HHAT: variants seen among roughly 807,000 people sequenced by gnomAD.
The protein encoded by HHAT is hedgehog acyltransferase.
A neutral mutation model predicts 70.8 loss-of-function variants in HHAT; 47 were observed. The ratio of observed to expected loss-of-function variants is 0.66; its 90% CI spans 0.53 to 0.85. The LOEUF (loss-of-function observed/expected upper bound fraction) is 0.85, where lower values mean the gene tolerates loss of function less well. Ranked by LOEUF, HHAT falls within the 40% of genes least tolerant of loss-of-function variation. HHAT has a pLI of 0.00. For synonymous variants in HHAT, 228 were observed against 247.6 expected (o/e 0.92, Z 0.74); for missense variants, 609 against 604.8 (o/e 1.01, Z -0.07).
chr1:210,435,606 T>C (rs75299208), intron 7 of HHAT, among the ~76,000 whole-genome samples: 1,924 of 151,916 alleles, frequency 0.013, 84 homozygotes, highest in African/African-American at 0.043. Flanking sequence ...ATGAGGTTTC[T>C]CCTTTCTTTA....
chr1:210,558,876 C>T (rs942012709), intron 9 of HHAT, among the ~76,000 whole-genome samples: 2 of 152,062 alleles, frequency 1.3e-5, no homozygotes, highest in African/African-American at 4.8e-5. Flanking sequence ...AAGGAAGGTG[C>T]GGGGCTGTCT....
chr1:210,447,969 G>A (rs1252713668), intron 7 of HHAT, among the ~76,000 whole-genome samples: 2 of 152,144 alleles, frequency 1.3e-5, no homozygotes, highest in African/African-American at 2.4e-5. Flanking sequence ...CACCTTGAAG[G>A]GGATGTGGCT....
chr1:210,665,669 TAA>T (rs1227369772), intron 11 of HHAT, among the ~76,000 whole-genome samples: 1 of 152,152 alleles, frequency 6.6e-6, no homozygotes, highest in Non-Finnish European at 1.5e-5. Context: ...ATGGTAGATT[TAA>T]AAAACTAAGG....
At chr1:210,379,472 T>A (rs2090472280) in intron 3 of HHAT, among the ~76,000 whole-genome samples, 1 of 152,236 alleles carries the variant, frequency 6.6e-6, no homozygotes, top group African/African-American at 2.4e-5. Context: ...ATTTTCTTCT[T>A]AGGAAAAGGT....
At chr1:210,567,703 T>G (rs1655112431) in intron 9 of HHAT, among the ~76,000 whole-genome samples, 2 of 152,224 alleles carry the variant, frequency 1.3e-5, no homozygotes, top group South Asian at 2.1e-4. Context: ...ATTAGAAAAT[T>G]TATGTCCTAG....
chr1:210,372,691 A>T (rs944808469), intron 3 of HHAT, among the ~76,000 whole-genome samples: 5 of 151,938 alleles, frequency 3.3e-5, no homozygotes, highest in Non-Finnish European at 7.4e-5. Context: ...TTCTAGTCTG[A>T]TTAGAGGATA....
At chr1:210,602,915 T>G (rs1013964365) in intron 10 of HHAT, among the ~76,000 whole-genome samples, 5 of 152,212 alleles carry the variant, frequency 3.3e-5, no homozygotes, top group Non-Finnish European at 7.4e-5. Flanking sequence ...CTCTCTGGTC[T>G]AAGAGGTAGA....
intron 11 of HHAT, among the ~76,000 whole-genome samples, chr1:210,626,546 ATG>A: frequency 6.6e-6 from 1 of 152,214 alleles, no homozygotes; most frequent in Non-Finnish European, 1.5e-5. Flanking sequence ...GAGTCAGGGA[ATG>A]TCTGCTGGGG....
intron 7 of HHAT, among the ~76,000 whole-genome samples, chr1:210,448,262 A>G (rs953940192): frequency 1.3e-5 from 2 of 151,866 alleles, no homozygotes; most frequent in Non-Finnish European, 2.9e-5. Context: ...TTGTATTTTT[A>G]GTAGAGACGG....
At chr1:210,480,238 A>T (rs968518460) in intron 8 of HHAT, among the ~76,000 whole-genome samples, 2 of 152,178 alleles carry the variant, frequency 1.3e-5, no homozygotes, top group African/African-American at 4.8e-5. Flanking sequence ...GTGAATCAGG[A>T]TTGAGAGAGA....
chr1:210,353,514 T>G (rs1280788171), intron 2 of HHAT, among the ~76,000 whole-genome samples: 4 of 151,940 alleles, frequency 2.6e-5, no homozygotes, highest in African/African-American at 9.7e-5. Flanking sequence ...CTATTCGTTC[T>G]TATTTAAATG....
At chr1:210,456,704 G>A (rs2093876112) in intron 7 of HHAT, among the ~76,000 whole-genome samples, 1 of 152,190 alleles carries the variant, frequency 6.6e-6, no homozygotes, top group Non-Finnish European at 1.5e-5. Flanking sequence ...GCTCAGAAGT[G>A]GGGACACTAG....
At chr1:210,489,287 G>A (rs775030466) in intron 8 of HHAT, among the ~76,000 whole-genome samples, 4 of 152,176 alleles carry the variant, frequency 2.6e-5, no homozygotes, top group African/African-American at 9.7e-5. Context: ...ATCAGGGAGT[G>A]GGGAGATTAA....
chr1:210,674,294 C>T lies in HHAT; in HGVS notation c.1397C>T (p.Pro466Leu). Residue 466 changes from proline to leucine, a missense_variant, in exon 12 of 12, where the codon CCT (proline) becomes CTT (leucine). Coordinates refer to ENST00000261458, the MANE Select transcript of HHAT (RefSeq NM_018194.6). ...CTCTGTCCTCCCTCTGCAGGCTGGC[C>T]TTGGGTGACCCTCTCTGTCCTGGGA... ...YWNRIFIQGW[P>L]WVTLSVLGFL... The T allele has an allele frequency of 6.2e-7, 1 of 1,613,944 alleles. No individual in the cohort carries two copies. Among genetic ancestry groups the T allele is most frequent in the Non-Finnish European group, 8.5e-7 (1 of 1,179,806 alleles).
intron 3 of HHAT, among the ~76,000 whole-genome samples, chr1:210,365,774 C>A (rs2088889784): frequency 6.6e-6 from 1 of 151,828 alleles, no homozygotes; most frequent in African/African-American, 2.4e-5. Flanking sequence ...CACCACCACG[C>A]CTGGCCAATT....
intron 9 of HHAT, among the ~76,000 whole-genome samples, chr1:210,548,920 G>C (rs1331550593): frequency 6.6e-6 from 1 of 152,176 alleles, no homozygotes; most frequent in Admixed American, 6.5e-5. Flanking sequence ...TGCTCACTGG[G>C]GGAAAAGTAT....
intron 3 of HHAT, among the ~76,000 whole-genome samples, chr1:210,366,452 T>C (rs2088978100): frequency 6.6e-6 from 1 of 152,074 alleles, no homozygotes; most frequent in African/African-American, 2.4e-5. Context: ...TGAAACTCCA[T>C]GTCTACTAAA....
chr1:210,420,420 A>G (rs1468634308), intron 7 of HHAT, among the ~76,000 whole-genome samples: 1 of 152,162 alleles, frequency 6.6e-6, no homozygotes, highest in Non-Finnish European at 1.5e-5. Context: ...AGTTTTTTAC[A>G]GGGTTTTGCT....
chr1:210,674,385 T>C lies in HHAT; in HGVS notation c.*6T>C, dbSNP rs1189875805. 3 of 1,612,114 alleles carry C rather than the reference T, an allele frequency of 1.9e-6. No homozygotes were observed. In the African/African-American group the frequency reaches 4.0e-5, roughly 22 times the overall value. On this transcript the variant is annotated 3_prime_UTR_variant, in exon 12 of 12. Transcript: ENST00000261458. ...AGACCTACGCCACGGACTAATGCTG[T>C]TGGGCCCAGGCCAGTCCTTGTTGCT...
Sources: gnomAD v4.1 joint callset for allele counts (sites outside exome capture counted in the v4.1 genomes callset) on GRCh38, gnomAD v4.1.1 for gene constraint, MANE v1.5 for transcripts, NCBI Gene and HGNC (gene_info 2026-07-23, HGNC 2026-07-21) for gene names.